The following ARHGAP39 variants were observed in gnomAD, a reference collection of about 807,000 sequenced individuals.
ARHGAP39 encodes the protein rho GTPase-activating protein 39.
ARHGAP39 carries 44 observed loss-of-function variants against 106.9 expected under a neutral mutation model. The ratio of observed to expected loss-of-function variants is 0.41; its 90% CI spans 0.32 to 0.53. ARHGAP39 has a LOEUF of 0.53. Ranked by LOEUF, ARHGAP39 falls within the 20% of genes least tolerant of loss-of-function variation. The probability of loss-of-function intolerance (pLI) is 0.21; values close to 1 mark genes in which losing one functional copy is unlikely to be tolerated. For synonymous variants in ARHGAP39, 768 were observed against 693.2 expected (o/e 1.11, Z -1.69); for missense variants, 1,496 against 1,577.3 (o/e 0.95, Z 0.87).
Position 144,646,314 on chromosome 8 carries a change from C to T in ARHGAP39, c.-82+39372G>A, listed in dbSNP as rs913304766. Among the ~76,000 whole-genome samples, 2 of 152,116 alleles carry T rather than the reference C, an allele frequency of 1.3e-5. No homozygotes were observed. The highest frequency in any genetic ancestry group is 2.4e-5 in the African/African-American group (1 of 41,398). The stretch of plus-strand genomic sequence containing the variant: ...AACAAGGGCGCCTGTGTTGTTTCAT[C>T]GGCAATAAAAGTGGTACTGGGAGTT... On this transcript the variant is annotated intron_variant, in intron 1 of 11. Coordinates refer to ENST00000377307, the MANE Select transcript of ARHGAP39 (RefSeq NM_025251.3). This position sits in a 1 kb window ranked among gnomAD's most constrained non-coding sequence, Gnocchi z 5.7.
chr8:144,630,487 G>A (rs941303546), intron 1 of ARHGAP39, among the ~76,000 whole-genome samples: 3 of 152,244 alleles, frequency 2.0e-5, no homozygotes, highest in African/African-American at 7.2e-5. Flanking sequence ...CCACTGTGCT[G>A]AGCACACAAG....
In ARHGAP39 at chr8:144,646,777, C is replaced by T. The variant is rs138494740; in HGVS notation, c.-82+38909G>A. On this transcript the variant is annotated intron_variant, in intron 1 of 11. Transcript: ENST00000377307. This position sits in a 1 kb window ranked among gnomAD's most constrained non-coding sequence, Gnocchi z 5.7. Reference sequence around the variant, plus strand: ...ACCCTCGCTGGGCCCAGAGTCCAAGCGGGCCATGGCCCTGGCACTGCACGT... The same window carrying T: ...ACCCTCGCTGGGCCCAGAGTCCAAGTGGGCCATGGCCCTGGCACTGCACGT... Among the ~76,000 whole-genome samples the T allele has an allele frequency of 6.6e-5, 10 of 152,278 alleles. No homozygotes were observed. Among genetic ancestry groups the T allele is most frequent in the Non-Finnish European group, 1.0e-4 (7 of 68,012 alleles).
At chr8:144,533,644 T>C (rs1816824475) in intron 8 of ARHGAP39, among the ~76,000 whole-genome samples, 1 of 152,230 alleles carries the variant, frequency 6.6e-6, no homozygotes, top group Admixed American at 6.5e-5. Flanking sequence ...CAGCACCAGC[T>C]CACAGGGGCC....
At position 144,547,345 on chromosome 8, in the gene ARHGAP39, C is replaced by T; in HGVS notation, c.1741G>A (p.Asp581Asn). The T allele has an allele frequency of 6.2e-7, 1 of 1,605,512 alleles. No individual in the cohort carries two copies. The highest frequency in any genetic ancestry group is 8.5e-7 in the Non-Finnish European group (1 of 1,178,366). The change falls in exon 5 of 12, where the codon GAC becomes AAC. Residue 581 changes from aspartate to asparagine, a missense_variant. This residue lies in a region of ARHGAP39 where 905 missense variants were observed against 816.4 expected (regional missense o/e 1.11). Coordinates refer to ENST00000377307, the MANE Select transcript of ARHGAP39 (RefSeq NM_025251.3). The surrounding 1 kb of genome is among the most constrained non-coding windows in gnomAD (Gnocchi z 5.2). ...KQRSSWDSQQ[D>N]GSGYESDGAL... ...CCGTCGCTCTCGTAGCCAGAGCCGT[C>T]CTGCTGGGAGTCCCAGCTGCTCCTC...
In ARHGAP39 at chr8:144,550,135, A is replaced by G. The variant is rs369658187; in HGVS notation, c.597-1646T>C. Among the ~76,000 whole-genome samples, 801 of 152,172 alleles carry G rather than the reference A, an allele frequency of 5.3e-3. 6 individuals carry two copies. Among genetic ancestry groups the G allele is most frequent in the South Asian group, 0.021 (101 of 4,812 alleles). ...AAAAACATAAACCAATTAGCCGAAC[A>G]TGGTGGTGTGCTCCTGTAGTCCCAG... On this transcript the variant is annotated intron_variant, in intron 4 of 11. Coordinates refer to ENST00000377307, the MANE Select transcript of ARHGAP39 (RefSeq NM_025251.3).
At chr8:144,690,935 G>C in the ARHGAP39 span, among the ~76,000 whole-genome samples, 1 of 151,914 alleles carries the variant, frequency 6.6e-6, no homozygotes, top group South Asian at 2.1e-4. Flanking sequence ...TGGGATTACA[G>C]GCATGAGCCA....
At chr8:144,532,565 G>A (rs1220144915) in intron 9 of ARHGAP39, among the ~76,000 whole-genome samples, 169 bp from the exon 10 acceptor site, 2 of 152,170 alleles carry the variant, frequency 1.3e-5, no homozygotes, top group South Asian at 2.1e-4. Flanking sequence ...GGTGGGTGGC[G>A]CTCTTCAGGA....
rs986088008 is a variant in ARHGAP39 at position 144,679,845 on chromosome 8, T to A, written c.-82+5841A>T. 6.6e-6 allele frequency among the ~76,000 whole-genome samples: 1 copy of A among 152,096 alleles called. No individual in the cohort carries two copies. The highest frequency in any genetic ancestry group is 6.5e-5 in the Admixed American group (1 of 15,272). Reference sequence around the variant, plus strand: ...AACACAAAAAATTAGCCGGGCATGGTGGTAGGCACCTGTAGTCCCAGTTAC... The same window carrying A: ...AACACAAAAAATTAGCCGGGCATGGAGGTAGGCACCTGTAGTCCCAGTTAC... On this transcript the variant is annotated intron_variant, in intron 1 of 11. Coordinates refer to ENST00000377307, the MANE Select transcript of ARHGAP39 (RefSeq NM_025251.3). This position sits in a 1 kb window ranked among gnomAD's most constrained non-coding sequence, Gnocchi z 4.7.
chr8:144,535,336 A>G (rs1351474271), intron 7 of ARHGAP39, among the ~76,000 whole-genome samples: 2 of 152,066 alleles, frequency 1.3e-5, no homozygotes, highest in Non-Finnish European at 2.9e-5. Flanking sequence ...TTTTTTTTTC[A>G]TAGACGTTTA....
At chr8:144,629,396 C>T (rs1821006702) in intron 1 of ARHGAP39, among the ~76,000 whole-genome samples, 2 of 152,250 alleles carry the variant, frequency 1.3e-5, no homozygotes, top group South Asian at 2.1e-4. Flanking sequence ...GGGGCTGAGG[C>T]GGAGCACGGC....
intron 1 of ARHGAP39, among the ~76,000 whole-genome samples, chr8:144,676,880 C>T (rs962477369): frequency 6.6e-6 from 1 of 152,272 alleles, no homozygotes; most frequent in South Asian, 2.1e-4. Flanking sequence ...GAGGAGGCGC[C>T]GAGAGCAAGC....
chr8:144,532,479 C>T (rs1184888543), intron 9 of ARHGAP39, 83 bp from the exon 10 acceptor site: 9 of 1,272,474 alleles, frequency 7.1e-6, no homozygotes, highest in South Asian at 6.4e-5. Context: ...CTCCGGTAGG[C>T]CCCTGCTGAC....
intron 2 of ARHGAP39, among the ~76,000 whole-genome samples, chr8:144,602,150 T>C (rs1820014640): frequency 1.6e-5 from 2 of 122,904 alleles, no homozygotes; most frequent in African/African-American, 7.1e-5. Flanking sequence ...CTCATGTACC[T>C]GTGTGTGTGT....
At chr8:144,678,236 C>T (rs1822294465) in intron 1 of ARHGAP39, among the ~76,000 whole-genome samples, 4 of 151,754 alleles carry the variant, frequency 2.6e-5, no homozygotes, top group Admixed American at 2.6e-4. Context: ...TACCACTGCA[C>T]TCCAGCCTGG....
At chr8:144,609,030 T>A (rs899061237) in intron 1 of ARHGAP39, among the ~76,000 whole-genome samples, 1 of 152,254 alleles carries the variant, frequency 6.6e-6, no homozygotes, top group Non-Finnish European at 1.5e-5. Flanking sequence ...CTTTCCAAAC[T>A]AGATCCTTTA....
At chr8:144,700,334 C>T in the ARHGAP39 span, 1 of 152,270 alleles carries the variant, frequency 6.6e-6, no homozygotes, top group African/African-American at 2.4e-5. This position sits in a 1 kb window ranked among gnomAD's most constrained non-coding sequence, Gnocchi z 5.6. Flanking sequence ...GGGCGAGTCT[C>T]ACTTCCGGCC....
chr8:144,568,192 G>C (rs753387913), intron 3 of ARHGAP39, among the ~76,000 whole-genome samples: 1 of 151,480 alleles, frequency 6.6e-6, no homozygotes, highest in East Asian at 1.9e-4. Context: ...AAATTAGCTG[G>C]GTGTGGTGGC....
intron 1 of ARHGAP39, among the ~76,000 whole-genome samples, chr8:144,621,873 TAC>T (rs1238666386): frequency 6.6e-6 from 1 of 152,146 alleles, no homozygotes; most frequent in African/African-American, 2.4e-5. Context: ...GGGATAAAAC[TAC>T]AGTTTCAGGC....
intron 1 of ARHGAP39, among the ~76,000 whole-genome samples, chr8:144,685,459 A>T (rs1209560008): frequency 5.5e-5 from 8 of 146,620 alleles, no homozygotes; most frequent in Admixed American, 5.4e-4. Flanking sequence ...CGGCCCCTCG[A>T]GCCTCCGCGC....
Sources: allele counts gnomAD v4.1 joint callset (sites outside exome capture counted in the v4.1 genomes callset), GRCh38; gene constraint gnomAD v4.1.1; regional missense constraint gnomAD v4.1.1; non-coding constraint Gnocchi (gnomAD v3.1); transcripts MANE v1.5; gene names NCBI Gene and HGNC (gene_info 2026-07-23, HGNC 2026-07-21).